Variants in CFAP61 observed in about 807,000 individuals in gnomAD.
CFAP61 encodes cilia and flagella associated protein 61.
A neutral mutation model predicts 135.6 loss-of-function variants in CFAP61; 107 were observed. That is an observed-to-expected ratio of 0.79 (90% CI 0.67 to 0.93). The LOEUF is 0.93. Ranked by LOEUF, CFAP61 falls within the 40% of genes least tolerant of loss-of-function variation. The probability of loss-of-function intolerance (pLI) is 0.00; values close to 1 mark genes in which losing one functional copy is unlikely to be tolerated. For synonymous variants in CFAP61, 575 were observed against 578.5 expected (o/e 0.99, Z 0.09); for missense variants, 1,507 against 1,556.2 (o/e 0.97, Z 0.53).
intron 26 of CFAP61, among the ~76,000 whole-genome samples, chr20:20,358,165 G>A (rs1453755390): frequency 7.2e-6 from 1 of 138,118 alleles, no homozygotes; most frequent in African/African-American, 2.7e-5. Context: ...GAGGGGAGGT[G>A]GTCACACTGA....
chr20:20,127,983 G>A (rs2050203959), intron 8 of CFAP61, among the ~76,000 whole-genome samples: 1 of 151,628 alleles, frequency 6.6e-6, no homozygotes, highest in East Asian at 1.9e-4. Context: ...AAAGCTGGCA[G>A]TCACAGGCCT....
At chr20:20,058,882 A>G (rs543043973) in intron 2 of CFAP61, among the ~76,000 whole-genome samples, 1 of 152,352 alleles carries the variant, frequency 6.6e-6, no homozygotes, top group South Asian at 2.1e-4. Flanking sequence ...CACAGTCAAA[A>G]ATCGTAAACA....
intron 12 of CFAP61, 76 bp from the exon 13 acceptor site, chr20:20,169,245 G>A: frequency 7.2e-7 from 1 of 1,386,476 alleles, no homozygotes; most frequent in South Asian, 1.5e-5. Context: ...ATTTTTCTTG[G>A]TGTTTTTTAG....
chr20:20,318,779 G>C (rs1032007783), intron 25 of CFAP61, among the ~76,000 whole-genome samples: 3 of 152,202 alleles, frequency 2.0e-5, no homozygotes, highest in Admixed American at 1.3e-4. Flanking sequence ...CTGAGGCCAG[G>C]GGGCAAGGCT....
chr20:20,082,872 A>C (rs1015383984), intron 6 of CFAP61, among the ~76,000 whole-genome samples: 1 of 152,190 alleles, frequency 6.6e-6, no homozygotes, highest in Non-Finnish European at 1.5e-5. Context: ...GGTGAAAAAG[A>C]ACACTTTTAC....
At chr20:20,280,300 T>C (rs1327910) in intron 22 of CFAP61, among the ~76,000 whole-genome samples, 117,423 of 152,082 alleles carry the variant, frequency 0.77, 45,819 homozygotes, top group Middle Eastern at 0.87. Flanking sequence ...CTAGCAACCG[T>C]CAGGAAGTAG....
At chr20:20,289,718 G>A (rs6035597) in intron 23 of CFAP61, among the ~76,000 whole-genome samples, 62,592 of 152,000 alleles carry the variant, frequency 0.41, 13,648 homozygotes, top group South Asian at 0.52. Context: ...GTCTTGCTCT[G>A]CTTCTCACTC....
chr20:20,093,434 CTTTTTT>C (rs11479548), intron 7 of CFAP61, among the ~76,000 whole-genome samples: 1 of 121,960 alleles, frequency 8.2e-6, no homozygotes, highest in Non-Finnish European at 1.7e-5. Context: ...TTGTGTATTT[CTTTTTT>C]TTTTTTTTTT....
intron 8 of CFAP61, among the ~76,000 whole-genome samples, chr20:20,133,851 C>T (rs2050723635): frequency 6.6e-6 from 1 of 152,226 alleles, no homozygotes; most frequent in Non-Finnish European, 1.5e-5. Flanking sequence ...CTGGAGTCTA[C>T]ACCACATCCC....
intron 13 of CFAP61, among the ~76,000 whole-genome samples, chr20:20,187,679 A>G (rs1426134475): frequency 6.6e-6 from 1 of 152,160 alleles, no homozygotes; most frequent in Non-Finnish European, 1.5e-5. Flanking sequence ...AATGTATTTA[A>G]AGTATCTCTG....
chr20:20,339,304 C>T (rs188933044), intron 25 of CFAP61, among the ~76,000 whole-genome samples: 3 of 152,246 alleles, frequency 2.0e-5, no homozygotes, highest in Admixed American at 1.3e-4. Flanking sequence ...AAGCTCATCA[C>T]GAATGCTGAT....
intron 13 of CFAP61, among the ~76,000 whole-genome samples, chr20:20,186,802 T>A (rs914980178): frequency 1.3e-5 from 2 of 152,230 alleles, no homozygotes; most frequent in Admixed American, 1.3e-4. Context: ...GTTAAATAGA[T>A]TAGGATATTT....
chr20:20,056,779 A>G lies in CFAP61; in HGVS notation c.126A>G (p.Leu42=). The G allele has an allele frequency of 6.2e-7, 1 of 1,614,100 alleles. No individual in the cohort carries two copies. The highest frequency in any genetic ancestry group is 1.1e-5 in the South Asian group (1 of 91,074). ...TTACCTGCAAGCTGTTTGGGAAGCT[A>G]AATATCATCTATCTTCTGTAAGTAG... ...RKFTCKLFGK[L]NIIYLLEKAN... Residue 42 remains leucine, a synonymous_variant, in exon 2 of 27, where the codon CTA becomes CTG. Transcript: ENST00000245957.
intron 7 of CFAP61, among the ~76,000 whole-genome samples, chr20:20,091,827 G>A (rs186632439): frequency 7.2e-5 from 11 of 152,028 alleles, no homozygotes; most frequent in African/African-American, 1.9e-4. Flanking sequence ...ACAGGTGTGC[G>A]CCACCACGCC....
At chr20:20,097,267 A>G (rs754582720) in intron 7 of CFAP61, among the ~76,000 whole-genome samples, 4 of 152,160 alleles carry the variant, frequency 2.6e-5, no homozygotes, top group Non-Finnish European at 5.9e-5. Flanking sequence ...TCTGAATGCA[A>G]TGGTTATCTA....
intron 21 of CFAP61, among the ~76,000 whole-genome samples, chr20:20,276,404 A>G (rs73285309): frequency 7.2e-5 from 11 of 152,240 alleles, no homozygotes; most frequent in African/African-American, 2.7e-4. Context: ...ACTACATTTC[A>G]TTAATTTAAT....
In CFAP61 at chr20:20,288,891, A is replaced by G. The variant is rs768921813; in HGVS notation, c.3079A>G (p.Asn1027Asp). 15 of 1,613,024 alleles carry G rather than the reference A, an allele frequency of 9.3e-6. No homozygotes were observed. Among genetic ancestry groups the G allele is most frequent in the African/African-American group, 5.3e-5 (4 of 74,918 alleles). The change falls in exon 23 of 27, where the codon AAT becomes GAT. Residue 1027 changes from asparagine (N) to aspartate (D), a missense_variant. Transcript: ENST00000245957. ...TLEPVTEPPA[N>D]LDRLIPMYKG... The stretch of plus-strand genomic sequence containing the variant: ...TGAGCCTGTGACCGAGCCACCAGCT[A>G]ATCTTGACCGGCTCATCCCCATGTA...
chr20:20,158,672 A>G (rs1332883646), intron 9 of CFAP61, among the ~76,000 whole-genome samples: 1 of 152,250 alleles, frequency 6.6e-6, no homozygotes, highest in Non-Finnish European at 1.5e-5. Context: ...GATTTCAGTA[A>G]TATAAAATTA....
intron 26 of CFAP61, among the ~76,000 whole-genome samples, chr20:20,346,108 A>G (rs2058624430): frequency 7.8e-6 from 1 of 127,616 alleles, no homozygotes; most frequent in African/African-American, 2.8e-5. Context: ...TCACCTTGTT[A>G]GCCAGGATGG....
Sources: allele counts gnomAD v4.1 joint callset (sites outside exome capture counted in the v4.1 genomes callset), GRCh38; gene constraint gnomAD v4.1.1; transcripts MANE v1.5; gene names NCBI Gene and HGNC (gene_info 2026-07-23, HGNC 2026-07-21).